Variants in DDC observed in about 807,000 individuals in gnomAD.
DDC encodes dopa decarboxylase, also known as aromatic-L-amino-acid decarboxylase.
A neutral mutation model predicts 60.0 loss-of-function variants in DDC; 43 were observed. That is an observed-to-expected ratio of 0.72 (90% CI 0.56 to 0.92). The LOEUF is 0.92. Among genes scored for constraint, DDC ranks in the 40% least tolerant of loss-of-function variants. The probability of loss-of-function intolerance (pLI) is 0.00; values close to 1 mark genes in which losing one functional copy is unlikely to be tolerated. For synonymous variants in DDC, 232 were observed against 234.6 expected (o/e 0.99, Z 0.10); for missense variants, 573 against 620.2 (o/e 0.92, Z 0.81).
chr7:50,505,671 C>A (rs1360671140), intron 6 of DDC, among the ~76,000 whole-genome samples: 1 of 152,256 alleles, frequency 6.6e-6, no homozygotes, highest in Non-Finnish European at 1.5e-5. Flanking sequence ...CTGCTCCTCT[C>A]ACAGGTGGCT....
At chr7:50,469,255 TAAAAAAAA>T (rs755613984) in intron 12 of DDC, among the ~76,000 whole-genome samples, 2,189 of 56,574 alleles carry the variant, frequency 0.039, 60 homozygotes, top group African/African-American at 0.097. Flanking sequence ...ATTGTTATTT[TAAAAAAAA>T]AAAAAAAAAA....
chr7:50,506,342 C>T (rs983681213), intron 6 of DDC, among the ~76,000 whole-genome samples: 2 of 152,096 alleles, frequency 1.3e-5, no homozygotes, highest in South Asian at 4.2e-4. Flanking sequence ...TTCCACACAC[C>T]GGGGCCTGTC....
At chr7:50,497,622 C>T (rs966649027) in intron 8 of DDC, among the ~76,000 whole-genome samples, 6 of 152,134 alleles carry the variant, frequency 3.9e-5, no homozygotes, top group East Asian at 3.9e-4. Flanking sequence ...GCACCAAACA[C>T]GCACCAAACT....
chr7:50,513,162 C>T (rs2043630054), intron 6 of DDC, among the ~76,000 whole-genome samples: 1 of 152,186 alleles, frequency 6.6e-6, no homozygotes, highest in Non-Finnish European at 1.5e-5. Context: ...GTGAGTGCCC[C>T]AGCTGCAGAA....
chr7:50,513,456 C>T (rs1279316218), intron 6 of DDC, among the ~76,000 whole-genome samples: 3 of 152,158 alleles, frequency 2.0e-5, no homozygotes, highest in Non-Finnish European at 1.5e-5. Flanking sequence ...TGTAACAGTT[C>T]GAACGGATGA....
chr7:50,502,608 G>T (rs1232336378), intron 7 of DDC, among the ~76,000 whole-genome samples: 1 of 152,180 alleles, frequency 6.6e-6, no homozygotes, highest in African/African-American at 2.4e-5. Flanking sequence ...CCCAGCCCGG[G>T]GCTGTGCACG....
At chr7:50,497,896 C>T (rs1376552677) in intron 8 of DDC, among the ~76,000 whole-genome samples, 2 of 152,258 alleles carry the variant, frequency 1.3e-5, no homozygotes, top group South Asian at 2.1e-4. Flanking sequence ...AAGATGGGGA[C>T]ATTTGTATTC....
At chr7:50,469,894 G>A (rs776834855) in intron 12 of DDC, among the ~76,000 whole-genome samples, 179 bp downstream of exon 12, 3 of 151,582 alleles carry the variant, frequency 2.0e-5, no homozygotes, top group African/African-American at 2.4e-5. Flanking sequence ...CAGGAGATTC[G>A]CTTGAACCCA....
chr7:50,508,858 T>C (rs1003653292), intron 6 of DDC, among the ~76,000 whole-genome samples: 8 of 152,170 alleles, frequency 5.3e-5, no homozygotes, highest in African/African-American at 1.9e-4. Flanking sequence ...GGCTGCCAGT[T>C]AAAGACAACA....
At chr7:50,520,967 A>G (rs973780303) in intron 6 of DDC, among the ~76,000 whole-genome samples, 1 of 151,920 alleles carries the variant, frequency 6.6e-6, no homozygotes, top group Non-Finnish European at 1.5e-5. Flanking sequence ...GAAGAAAAGA[A>G]AAGAAATAAT....
At chr7:50,533,722 G>A (rs1397329527) in intron 4 of DDC, among the ~76,000 whole-genome samples, 1 of 152,190 alleles carries the variant, frequency 6.6e-6, no homozygotes, top group African/African-American at 2.4e-5. Flanking sequence ...GAAAATTGAA[G>A]TCCCTGAAAA....
chr7:50,465,379 CT>C (rs975848450), intron 13 of DDC, among the ~76,000 whole-genome samples: 4 of 151,024 alleles, frequency 2.6e-5, no homozygotes, highest in Admixed American at 6.6e-5. Flanking sequence ...CAAACGTAGC[CT>C]TTTTTTTTGA....
At chr7:50,500,241 C>T (rs2043219165) in intron 7 of DDC, among the ~76,000 whole-genome samples, 3 of 152,022 alleles carry the variant, frequency 2.0e-5, no homozygotes, top group Admixed American at 6.5e-5. Flanking sequence ...CGTTCACTCA[C>T]CATCCATGGT....
chr7:50,528,116 C>G, intron 6 of DDC, 21 bp downstream of exon 6: 6 of 1,611,862 alleles, frequency 3.7e-6, no homozygotes, highest in Non-Finnish European at 5.1e-6. Context: ...GGCCAGGAGC[C>G]ACAAGTGCTG....
Position 50,543,908 on chromosome 7 carries a change from C to T in DDC, c.178G>A (p.Val60Ile), listed in dbSNP as rs142925706. The T allele has an allele frequency of 6.2e-5, 100 of 1,614,146 alleles. No homozygotes were observed. Among genetic ancestry groups the T allele is most frequent in the Middle Eastern group, 3.3e-4 (2 of 6,062 alleles). The part of the protein sequence containing the change: ...PDTFEDIIND[V>I]EKIIMPGVTH... ...ACCCCAGGCATGATTATCTTCTCAA[C>T]GTCGTTGATGATGTCCTCAAACGTG... is the stretch of plus-strand genomic sequence containing the variant. Residue 60 changes from valine (V) to isoleucine (I), a missense_variant, in exon 2 of 15, where the codon GTT (valine) becomes ATT (isoleucine). Physicochemically the swap from Val to Ile is conservative, Grantham distance 29. Coordinates refer to ENST00000444124, the MANE Select transcript of DDC (RefSeq NM_001082971.2).
chr7:50,462,868 C>T (rs982986385), intron 14 of DDC, among the ~76,000 whole-genome samples: 2 of 147,948 alleles, frequency 1.4e-5, no homozygotes, highest in Non-Finnish European at 3.0e-5. Context: ...CTCCCAGGTT[C>T]ATGCGATTCT....
At position 50,553,488 on chromosome 7, in the gene DDC, T is replaced by TTC. The variant is rs1554437602; in HGVS notation, c.-28-9376_-28-9375insGA. ...TTCTTTTCTTTTCTTTCTTTTCTTTTTTTTTTTTTTTTTTTTGAGATGGAG... is the reference window on the plus strand; with the variant it reads ...TTCTTTTCTTTTCTTTCTTTTCTTTTTCTTTTTTTTTTTTTTTTGAGATGGAG... On this transcript the variant is annotated intron_variant, in intron 1 of 14. Coordinates refer to ENST00000444124, the MANE Select transcript of DDC (RefSeq NM_001082971.2). Among the ~76,000 whole-genome samples, 244 of 138,806 alleles carry TTC rather than the reference T, an allele frequency of 1.8e-3. 3 individuals carry two copies. Among genetic ancestry groups the TTC allele is most frequent in the African/African-American group, 6.0e-3 (228 of 37,748 alleles). 91.1% of individuals were successfully genotyped at this position (138,806 alleles called of 152,430 possible).
intron 1 of DDC, among the ~76,000 whole-genome samples, chr7:50,545,536 G>C (rs1246316282): frequency 2.0e-5 from 3 of 152,146 alleles, no homozygotes; most frequent in Non-Finnish European, 2.9e-5. Flanking sequence ...GCAATGGCAC[G>C]ATCTCGGCTC....
Position 50,458,660 on chromosome 7 carries a change from C to A in DDC, c.*202G>T, listed in dbSNP as rs2042176378. 1 of 152,200 alleles carries A rather than the reference C, an allele frequency of 6.6e-6. No individual in the cohort carries two copies. The highest frequency in any genetic ancestry group is 1.5e-5 in the Non-Finnish European group (1 of 68,032). 9.4% of individuals were successfully genotyped at this position (152,200 alleles called of 1,614,324 possible). ...TAAAAGCTATGGCCATGAAGATTAA[C>A]TTTTTAATTAGCAAATAATATTTCT... On this transcript the variant is annotated 3_prime_UTR_variant, in exon 15 of 15. Coordinates refer to ENST00000444124, the MANE Select transcript of DDC (RefSeq NM_001082971.2).
Sources: allele counts gnomAD v4.1 joint callset (sites outside exome capture counted in the v4.1 genomes callset), GRCh38; gene constraint gnomAD v4.1.1; transcripts MANE v1.5; gene names NCBI Gene and HGNC (gene_info 2026-07-23, HGNC 2026-07-21).